Variants in SEMA5A observed in about 807,000 individuals in gnomAD.
SEMA5A encodes semaphorin 5A, also known as semaphorin-5A.
A neutral mutation model predicts 135.5 loss-of-function variants in SEMA5A; 55 were observed. The observed-to-expected ratio is 0.41, with a 90% confidence interval of 0.33 to 0.51. The LOEUF is 0.51. SEMA5A is among the 20% of genes least tolerant of loss of function. SEMA5A has a pLI of 0.37. For missense variants in SEMA5A, 1,290 were observed against 1,419.9 expected (o/e 0.91, Z 1.47); for synonymous variants, 580 against 546.5 (o/e 1.06, Z -0.85).
At chr5:9,050,387 A>G in intron 21 of SEMA5A, 23 bp downstream of exon 21, 1 of 1,598,474 alleles carries the variant, frequency 6.3e-7, no homozygotes, top group East Asian at 2.2e-5. Flanking sequence ...ATCCATTACA[A>G]CTACTTAAAA....
chr5:9,422,880 T>C (rs1757518532), intron 2 of SEMA5A, among the ~76,000 whole-genome samples: 1 of 152,322 alleles, frequency 6.6e-6, no homozygotes, highest in Admixed American at 6.5e-5. Flanking sequence ...GAATCCACTT[T>C]TCTTTCACTG....
intron 5 of SEMA5A, among the ~76,000 whole-genome samples, chr5:9,257,939 G>C (rs983811548): frequency 6.6e-6 from 1 of 152,142 alleles, no homozygotes; most frequent in African/African-American, 2.4e-5. Flanking sequence ...CAAGGAGGGT[G>C]TTAGGGTGTT....
chr5:9,532,314 G>A (rs2126335256), intron 1 of SEMA5A, among the ~76,000 whole-genome samples: 1 of 151,816 alleles, frequency 6.6e-6, no homozygotes, highest in Admixed American at 6.6e-5. Context: ...CGCCCAGGCT[G>A]GAGTACAATG....
chr5:9,513,245 T>A (rs1376432792), intron 1 of SEMA5A, among the ~76,000 whole-genome samples: 5 of 151,970 alleles, frequency 3.3e-5, no homozygotes, highest in Non-Finnish European at 7.4e-5. Context: ...GGGATGTTAA[T>A]AATTCATTCC....
At chr5:9,111,666 C>G (rs950207427) in intron 15 of SEMA5A, among the ~76,000 whole-genome samples, 7 of 152,172 alleles carry the variant, frequency 4.6e-5, no homozygotes. Flanking sequence ...TGCAGCCTCC[C>G]CATTGAGAGA....
At chr5:9,308,659 C>T (rs1223940876) in intron 5 of SEMA5A, among the ~76,000 whole-genome samples, 16 of 152,068 alleles carry the variant, frequency 1.1e-4, no homozygotes, top group Non-Finnish European at 1.0e-4. Flanking sequence ...AACTATAGGT[C>T]GTATGCTGGC....
intron 16 of SEMA5A, among the ~76,000 whole-genome samples, chr5:9,094,012 T>A (rs940132506): frequency 3.9e-5 from 6 of 152,238 alleles, no homozygotes; most frequent in African/African-American, 1.4e-4. Flanking sequence ...CTCCTCCTCA[T>A]GTTCCACTCA....
At chr5:9,491,264 G>C (rs1030497931) in intron 1 of SEMA5A, among the ~76,000 whole-genome samples, 2 of 152,134 alleles carry the variant, frequency 1.3e-5, no homozygotes, top group Non-Finnish European at 2.9e-5. Flanking sequence ...GAACAGGAGA[G>C]CACAGGGGAT....
chr5:9,159,762 T>C (rs926379502), intron 11 of SEMA5A, among the ~76,000 whole-genome samples: 3 of 152,210 alleles, frequency 2.0e-5, no homozygotes, highest in Non-Finnish European at 4.4e-5. Flanking sequence ...CATATGTTTA[T>C]TGCAGCACTA....
At chr5:9,310,845 A>G (rs900471325) in intron 5 of SEMA5A, among the ~76,000 whole-genome samples, 11 of 149,440 alleles carry the variant, frequency 7.4e-5, no homozygotes, top group African/African-American at 2.7e-4. Flanking sequence ...GTGTATATAT[A>G]TACACACAAT....
intron 11 of SEMA5A, among the ~76,000 whole-genome samples, chr5:9,183,557 T>C (rs918284097): frequency 6.6e-6 from 1 of 152,168 alleles, no homozygotes; most frequent in East Asian, 1.9e-4. Flanking sequence ...CGGGGGCAGC[T>C]GAGGCAGAGC....
chr5:9,217,300 GA>G lies in SEMA5A; in HGVS notation c.646+7373del, dbSNP rs1453145918. On this transcript the variant is annotated intron_variant, in intron 8 of 22. Transcript: ENST00000382496. ...GACTTTTTCTTTATTTTTAATTTAA[GA>G]ATGCTGAATATAGGCCCCCAATCTC... Among the ~76,000 whole-genome samples, 7 of 152,136 alleles carry G rather than the reference GA, an allele frequency of 4.6e-5. No homozygotes were observed. In the South Asian group the frequency reaches 1.4e-3, roughly 32 times the overall value.
intron 1 of SEMA5A, among the ~76,000 whole-genome samples, chr5:9,497,420 T>C (rs568875245): frequency 6.6e-6 from 1 of 152,350 alleles, no homozygotes; most frequent in East Asian, 1.9e-4. Context: ...TAGAGACGGC[T>C]ATAGTGCCGA....
At position 9,379,818 on chromosome 5, in the gene SEMA5A, C is replaced by T. The variant is rs201016992; in HGVS notation, c.124+5G>A. 31 of 1,613,474 alleles carry T rather than the reference C, an allele frequency of 1.9e-5. No homozygotes were observed. In the African/African-American group the frequency reaches 4.1e-4, roughly 22 times the overall value. Reference sequence around the variant, plus strand: ...CTTTGCAATCAGTGCGTGCTGGTTCCTTACCTTTATAGGAGATGACTGGAT... The same window carrying T: ...CTTTGCAATCAGTGCGTGCTGGTTCTTTACCTTTATAGGAGATGACTGGAT... On this transcript the variant is annotated splice_donor_5th_base_variant and intron_variant, in intron 3 of 22. Coordinates refer to ENST00000382496, the MANE Select transcript of SEMA5A (RefSeq NM_003966.3).
At chr5:9,475,633 G>T (rs1178030344) in intron 1 of SEMA5A, among the ~76,000 whole-genome samples, 1 of 152,008 alleles carries the variant, frequency 6.6e-6, no homozygotes, top group Non-Finnish European at 1.5e-5. Context: ...TAACCTAATT[G>T]TCCTGAGCAA....
chr5:9,378,051 A>G (rs1755440383), intron 3 of SEMA5A, among the ~76,000 whole-genome samples: 3 of 152,230 alleles, frequency 2.0e-5, no homozygotes, highest in African/African-American at 7.2e-5. Context: ...AACTACATGG[A>G]TTAAAATACA....
At chr5:9,299,496 G>A (rs1250920765) in intron 5 of SEMA5A, among the ~76,000 whole-genome samples, 1 of 152,142 alleles carries the variant, frequency 6.6e-6, no homozygotes, top group Non-Finnish European at 1.5e-5. Flanking sequence ...TCTCTGAGCT[G>A]ACCTTGTATT....
chr5:9,081,696 C>T (rs1262970968), intron 16 of SEMA5A, among the ~76,000 whole-genome samples: 2 of 152,088 alleles, frequency 1.3e-5, no homozygotes, highest in Non-Finnish European at 2.9e-5. Flanking sequence ...TTTTAAGGTG[C>T]CTGATACTGT....
chr5:9,462,585 G>A (rs1169159899), intron 1 of SEMA5A, among the ~76,000 whole-genome samples: 1 of 152,040 alleles, frequency 6.6e-6, no homozygotes, highest in East Asian at 1.9e-4. Context: ...TAAATGCCCA[G>A]CAATTTTAGA....
Sources: gnomAD v4.1 joint callset for allele counts (sites outside exome capture counted in the v4.1 genomes callset) on GRCh38, gnomAD v4.1.1 for gene constraint, MANE v1.5 for transcripts, NCBI Gene and HGNC (gene_info 2026-07-23, HGNC 2026-07-21) for gene names.